Variants in DCAF1 observed in about 807,000 individuals in gnomAD.
DCAF1 encodes the protein DDB1 and CUL4 associated factor 1, also known as DDB1- and CUL4-associated factor 1.
Under a neutral mutation model 128.0 loss-of-function variants are expected in DCAF1, and 15 were observed. That is an observed-to-expected ratio of 0.12 (90% CI 0.08 to 0.18). The LOEUF (loss-of-function observed/expected upper bound fraction) is 0.18, where lower values mean the gene tolerates loss of function less well. Among genes scored for constraint, DCAF1 ranks in the 10% least tolerant of loss-of-function variants. The pLI, the probability that DCAF1 is intolerant of heterozygous loss-of-function variation, is 1.00. For synonymous variants in DCAF1, 610 were observed against 603.0 expected (o/e 1.01, Z -0.17); for missense variants, 988 against 1,649.5 (o/e 0.60, Z 6.95).
intron 23 of DCAF1, among the ~76,000 whole-genome samples, chr3:51,408,152 G>A (rs1290532969): frequency 6.6e-6 from 1 of 152,136 alleles, no homozygotes; most frequent in South Asian, 2.1e-4. Flanking sequence ...CATTGTTTAG[G>A]TTTTCATTCA....
chr3:51,474,683 CA>C (rs1553649760), intron 3 of DCAF1, among the ~76,000 whole-genome samples: 1 of 150,806 alleles, frequency 6.6e-6, no homozygotes, highest in Non-Finnish European at 1.5e-5. Flanking sequence ...CGCAGTGGCA[CA>C]ATCGTACCTC....
At chr3:51,466,315 C>T (rs1452678808) in intron 5 of DCAF1, among the ~76,000 whole-genome samples, 1 of 152,152 alleles carries the variant, frequency 6.6e-6, no homozygotes, top group African/African-American at 2.4e-5. Context: ...CCAAAGCCCA[C>T]GTTCTCAAGC....
At chr3:51,433,541 A>C (rs2107589809) in intron 9 of DCAF1, among the ~76,000 whole-genome samples, 1 of 151,540 alleles carries the variant, frequency 6.6e-6, no homozygotes, top group South Asian at 2.1e-4. Flanking sequence ...GGCTCACTGC[A>C]ACCTCCGCCT....
intron 4 of DCAF1, among the ~76,000 whole-genome samples, chr3:51,470,339 T>C (rs1299546105): frequency 3.9e-5 from 6 of 152,154 alleles, no homozygotes; most frequent in Admixed American, 6.6e-5. Context: ...GGCGGGAGGA[T>C]AGCTTGTGTC....
At chr3:51,468,223 G>A (rs1438994084) in intron 4 of DCAF1, among the ~76,000 whole-genome samples, 2 of 152,226 alleles carry the variant, frequency 1.3e-5, no homozygotes, top group Admixed American at 1.3e-4. Flanking sequence ...CAAGGCTGGA[G>A]TACAGTGGCT....
At chr3:51,408,007 A>AAAAAAC (rs1329585381) in intron 23 of DCAF1, among the ~76,000 whole-genome samples, 9 of 150,136 alleles carry the variant, frequency 6.0e-5, no homozygotes, top group Non-Finnish European at 1.2e-4. Flanking sequence ...AAAAAAAAAA[A>AAAAAAC]AACAACCAGA....
At chr3:51,430,293 T>C (rs1166110012) in intron 10 of DCAF1, 81 bp from the exon 11 acceptor site, 1 of 685,604 alleles carries the variant, frequency 1.5e-6, no homozygotes, top group Admixed American at 2.2e-5. Context: ...TTTGCCAGTA[T>C]AGATATCTGC....
At chr3:51,426,582 CA>C (rs1699930482) in intron 13 of DCAF1, among the ~76,000 whole-genome samples, 1 of 152,076 alleles carries the variant, frequency 6.6e-6, no homozygotes, top group Middle Eastern at 3.2e-3. Context: ...AACACAAAAA[CA>C]AAAGCCTTTT....
chr3:51,402,677 C>T (rs1369213201), intron 24 of DCAF1, among the ~76,000 whole-genome samples: 1 of 139,490 alleles, frequency 7.2e-6, no homozygotes, highest in African/African-American at 2.7e-5. Flanking sequence ...CAGGTTCAAG[C>T]GATTCTCCTG....
At chr3:51,409,875 C>T (rs1378371965) in intron 23 of DCAF1, among the ~76,000 whole-genome samples, 1 of 152,114 alleles carries the variant, frequency 6.6e-6, no homozygotes, top group Non-Finnish European at 1.5e-5. Context: ...GCTCTGCTAC[C>T]CAGAAAGACT....
chr3:51,462,615 G>A (rs1203193348), intron 6 of DCAF1, among the ~76,000 whole-genome samples: 1 of 151,426 alleles, frequency 6.6e-6, no homozygotes, highest in Non-Finnish European at 1.5e-5. Flanking sequence ...ACATGGTGGT[G>A]GGCGCCTGTA....
intron 17 of DCAF1, among the ~76,000 whole-genome samples, chr3:51,417,369 T>C (rs1462371801): frequency 6.6e-6 from 1 of 151,568 alleles, no homozygotes; most frequent in Non-Finnish European, 1.5e-5. Flanking sequence ...CAGTAGGTCA[T>C]GTTTGTGCCA....
At chr3:51,443,713 C>T in intron 7 of DCAF1, 53 bp downstream of exon 7, 1 of 1,492,448 alleles carries the variant, frequency 6.7e-7, no homozygotes, top group Non-Finnish European at 8.9e-7. Context: ...GTAACAAGAA[C>T]CTGTGAATAC....
intron 3 of DCAF1, among the ~76,000 whole-genome samples, chr3:51,480,880 T>C (rs1173593136): frequency 6.6e-6 from 1 of 152,138 alleles, no homozygotes; most frequent in Non-Finnish European, 1.5e-5. Flanking sequence ...AATTGTAAAA[T>C]TCTTGAAAGC....
At chr3:51,457,095 T>C (rs1703003687) in intron 6 of DCAF1, among the ~76,000 whole-genome samples, 1 of 152,076 alleles carries the variant, frequency 6.6e-6, no homozygotes, top group Non-Finnish European at 1.5e-5. Context: ...GAAGAAGGCT[T>C]CAGATGATCA....
At chr3:51,442,435 C>T (rs1490519094) in intron 7 of DCAF1, among the ~76,000 whole-genome samples, 3 of 152,116 alleles carry the variant, frequency 2.0e-5, no homozygotes, top group African/African-American at 4.8e-5. Flanking sequence ...CGGTAGCTCA[C>T]GCCTGTAATC....
At chr3:51,493,121 G>A (rs1707849002) in intron 2 of DCAF1, among the ~76,000 whole-genome samples, 1 of 151,638 alleles carries the variant, frequency 6.6e-6, no homozygotes, top group African/African-American at 2.4e-5. Context: ...ATACGACCCA[G>A]CAATTTCACT....
intron 6 of DCAF1, among the ~76,000 whole-genome samples, chr3:51,458,651 C>A (rs1451865832): frequency 1.3e-5 from 2 of 152,142 alleles, no homozygotes; most frequent in Admixed American, 6.6e-5. Context: ...CAAAACTGAC[C>A]ACATAGTTGG....
intron 4 of DCAF1, among the ~76,000 whole-genome samples, chr3:51,468,523 A>G (rs1264107434): frequency 6.6e-6 from 1 of 152,138 alleles, no homozygotes; most frequent in Non-Finnish European, 1.5e-5. Flanking sequence ...CCTTTCTTTC[A>G]GAGCATTTAG....
Sources: gnomAD v4.1 joint callset for allele counts (sites outside exome capture counted in the v4.1 genomes callset) on GRCh38, gnomAD v4.1.1 for gene constraint, MANE v1.5 for transcripts, NCBI Gene and HGNC (gene_info 2026-07-23, HGNC 2026-07-21) for gene names.